The following NMT1 variants were observed in gnomAD, a reference collection of about 807,000 sequenced individuals.
NMT1 encodes the protein N-myristoyltransferase 1, also known as glycylpeptide N-tetradecanoyltransferase 1.
A neutral mutation model predicts 63.4 loss-of-function variants in NMT1; 12 were observed. The observed-to-expected ratio is 0.19, with a 90% confidence interval of 0.12 to 0.31. The LOEUF (loss-of-function observed/expected upper bound fraction) is 0.31, where lower values mean the gene tolerates loss of function less well. Among genes scored for constraint, NMT1 ranks in the 10% least tolerant of loss-of-function variants. The probability of loss-of-function intolerance (pLI) is 1.00; values close to 1 mark genes in which losing one functional copy is unlikely to be tolerated. For synonymous variants in NMT1, 228 were observed against 234.3 expected (o/e 0.97, Z 0.25); for missense variants, 432 against 634.6 (o/e 0.68, Z 3.43).
chr17:45,093,643 AG>A (rs35099037), intron 3 of NMT1, 41 bp from the exon 4 acceptor site: 4 of 1,545,394 alleles, frequency 2.6e-6, no homozygotes, highest in Middle Eastern at 1.7e-4. Flanking sequence ...TACTGCCCCG[AG>A]GGGGCAAAGG....
At chr17:45,102,566 G>T (rs1488685638) in intron 8 of NMT1, among the ~76,000 whole-genome samples, 1 of 152,266 alleles carries the variant, frequency 6.6e-6, no homozygotes, top group Non-Finnish European at 1.5e-5. Context: ...TCACAGTTCA[G>T]TGAGAAGCCT....
At position 45,105,027 on chromosome 17, in the gene NMT1, C is replaced by T; in HGVS notation, c.1470+31C>T. ...CGACACATAGCCAGAGTCCAGGCTGCCCGGCCCAGGGTGTCCATGTCTCCA... is the reference window on the plus strand; with the variant it reads ...CGACACATAGCCAGAGTCCAGGCTGTCCGGCCCAGGGTGTCCATGTCTCCA... On this transcript the variant is annotated intron_variant, in intron 11 of 11. Coordinates refer to ENST00000258960, the MANE Select transcript of NMT1 (RefSeq NM_021079.5). The surrounding 1 kb of genome is among the most constrained non-coding windows in gnomAD (Gnocchi z 4.2). 1 of 1,613,308 alleles carries T rather than the reference C, an allele frequency of 6.2e-7. No homozygotes were observed. The highest frequency in any genetic ancestry group is 8.5e-7 in the Non-Finnish European group (1 of 1,179,698).
intron 6 of NMT1, 87 bp downstream of exon 6, chr17:45,097,331 C>T (rs1331049503): frequency 4.9e-6 from 5 of 1,028,570 alleles, no homozygotes; most frequent in African/African-American, 1.6e-5. Flanking sequence ...CACAATGTGC[C>T]CCATGAAAGG....
intron 7 of NMT1, 80 bp from the exon 8 acceptor site, chr17:45,099,325 C>G (rs2054146359): frequency 1.0e-6 from 1 of 974,310 alleles, no homozygotes; most frequent in East Asian, 2.4e-5. Flanking sequence ...CACCTGCTGG[C>G]CAGCTGGGGT....
chr17:45,073,716 G>A (rs1466365374), intron 1 of NMT1, among the ~76,000 whole-genome samples: 1 of 152,188 alleles, frequency 6.6e-6, no homozygotes, highest in Non-Finnish European at 1.5e-5. Flanking sequence ...AGGGAACGAA[G>A]CCATAGCCTT....
intron 4 of NMT1, among the ~76,000 whole-genome samples, chr17:45,095,695 C>A (rs1159049112): frequency 2.0e-5 from 3 of 152,140 alleles, no homozygotes; most frequent in African/African-American, 7.2e-5. Context: ...TCGCTTGAAA[C>A]CAGGAGTTGG....
At chr17:45,086,709 T>C (rs971604247) in intron 3 of NMT1, 57 bp downstream of exon 3, 1 of 1,531,728 alleles carries the variant, frequency 6.5e-7, no homozygotes, top group Non-Finnish European at 8.8e-7. Flanking sequence ...GCCTCAGCTG[T>C]GCCTTCATGA....
chr17:45,081,215 G>A (rs2054015427), intron 1 of NMT1, among the ~76,000 whole-genome samples: 2 of 152,210 alleles, frequency 1.3e-5, no homozygotes, highest in African/African-American at 4.8e-5. Flanking sequence ...ACATTTGGGA[G>A]GTGGAGGAAG....
In NMT1 at chr17:45,105,748, GAGC is replaced by G. The variant is rs2054199031; in HGVS notation, c.*112_*114del. On this transcript the variant is annotated 3_prime_UTR_variant, in exon 12 of 12. Coordinates refer to ENST00000258960, the MANE Select transcript of NMT1 (RefSeq NM_021079.5). This position sits in a 1 kb window ranked among gnomAD's most constrained non-coding sequence, Gnocchi z 4.2. ...CACACGTGAGAATCCCTGGCAAAGG[GAGC>G]AGAACTGAACCGGCTTTACCAAACC... 8.8e-7 allele frequency: 1 copy of G among 1,132,564 alleles called. No homozygotes were observed. The highest frequency in any genetic ancestry group is 2.5e-5 in the East Asian group (1 of 40,470). 70.2% of individuals were successfully genotyped at this position (1,132,564 alleles called of 1,614,324 possible).
At chr17:45,082,526 G>A (rs1161864967) in intron 2 of NMT1, among the ~76,000 whole-genome samples, 4 of 152,186 alleles carry the variant, frequency 2.6e-5, no homozygotes, top group African/African-American at 9.7e-5. Flanking sequence ...TACTCCATGA[G>A]AACCACTGGC....
chr17:45,079,590 G>A (rs1225464404), intron 1 of NMT1, among the ~76,000 whole-genome samples: 1 of 152,216 alleles, frequency 6.6e-6, no homozygotes, highest in African/African-American at 2.4e-5. Context: ...GAAACTTTTT[G>A]CTTCATTCAT....
chr17:45,103,051 T>A lies in NMT1; in HGVS notation c.1094T>A (p.Val365Asp), dbSNP rs1192890144. ...TTGAAGCAATTTCACCTTACGCCCGTCATGAGCCAGGAGGAGGTGGAGCAC... is the reference window on the plus strand; with the variant it reads ...TTGAAGCAATTTCACCTTACGCCCGACATGAGCCAGGAGGAGGTGGAGCAC... Reference protein sequence around the residue: ...RYLKQFHLTPVMSQEEVEHWF... With the variant: ...RYLKQFHLTPDMSQEEVEHWF... Residue 365 changes from valine (V) to aspartate (D), a missense_variant, in exon 9 of 12, where the codon GTC (valine) becomes GAC (aspartate). Val to Asp is a radical substitution (Grantham distance 152). Around this residue, in one of 4 missense-constraint regions of NMT1, gnomAD observed 295 missense variants for 489.7 expected, o/e 0.60. Coordinates refer to ENST00000258960, the MANE Select transcript of NMT1 (RefSeq NM_021079.5). This position sits in a 1 kb window ranked among gnomAD's most constrained non-coding sequence, Gnocchi z 4.8. The A allele has an allele frequency of 6.2e-7, 1 of 1,613,992 alleles. No homozygotes were observed. Among genetic ancestry groups the A allele is most frequent in the Admixed American group, 1.7e-5 (1 of 60,010 alleles).
Position 45,105,140 on chromosome 17 carries a change from C to A in NMT1, c.1470+144C>A. 9.4e-7 allele frequency: 1 copy of A among 1,058,386 alleles called. No individual in the cohort carries two copies. Among genetic ancestry groups the A allele is most frequent in the Non-Finnish European group, 1.4e-6 (1 of 735,580 alleles). 65.6% of individuals were successfully genotyped at this position (1,058,386 alleles called of 1,614,324 possible). A position where few individuals can be genotyped will look rare whatever the true frequency, so the allele number is the denominator to read the frequency against. ...AACCTTTGAAAATGCCCTCCCTCTG[C>A]TGGCCAGACCAGCAGGTCAGCGTTC... On this transcript the variant is annotated intron_variant, in intron 11 of 11. Transcript: ENST00000258960. This position sits in a 1 kb window ranked among gnomAD's most constrained non-coding sequence, Gnocchi z 4.2.
intron 3 of NMT1, among the ~76,000 whole-genome samples, chr17:45,087,774 G>C (rs59710160): frequency 0.067 from 10,129 of 152,214 alleles, 364 homozygotes; most frequent in Middle Eastern, 0.095. Flanking sequence ...TAGTATGTTC[G>C]GTGCAGAGGA....
chr17:45,067,258 G>T (rs1598000884), intron 1 of NMT1, among the ~76,000 whole-genome samples: 1 of 151,748 alleles, frequency 6.6e-6, no homozygotes, highest in African/African-American at 2.4e-5. Context: ...GGGGTAATAA[G>T]TGAAGATTGT....
Position 45,108,405 on chromosome 17 carries a change from C to CT in NMT1, c.*2769dup, listed in dbSNP as rs1156685668. On this transcript the variant is annotated 3_prime_UTR_variant, in exon 12 of 12. Coordinates refer to ENST00000258960, the MANE Select transcript of NMT1 (RefSeq NM_021079.5). ...TTGAAGGCCAGCCCACACCCAGCTA[C>CT]TTTAACACCAGGTTTATGGAAAATG... The CT allele has an allele frequency of 6.6e-6, 1 of 152,480 alleles. No homozygotes were observed. Among genetic ancestry groups the CT allele is most frequent in the Non-Finnish European group, 1.5e-5 (1 of 68,072 alleles). The allele number at this position is 152,480 out of a possible 1,614,324, so 9.4% of individuals were successfully genotyped here.
intron 1 of NMT1, among the ~76,000 whole-genome samples, chr17:45,078,063 TG>T (rs1370401586): frequency 6.6e-6 from 1 of 152,196 alleles, no homozygotes; most frequent in African/African-American, 2.4e-5. Context: ...CAGACTTAAC[TG>T]GATCTCTCCC....
rs1450725662 is a variant in NMT1, at chr17:45,104,605, G to T, written c.1333-254G>T. 7.8e-7 allele frequency: 1 copy of T among 1,281,740 alleles called. No homozygotes were observed. The highest frequency in any genetic ancestry group is 9.9e-7 in the Non-Finnish European group (1 of 1,010,308). 79.4% of individuals were successfully genotyped at this position (1,281,740 alleles called of 1,614,324 possible). On this transcript the variant is annotated intron_variant, in intron 10 of 11. Coordinates refer to ENST00000258960, the MANE Select transcript of NMT1 (RefSeq NM_021079.5). The surrounding 1 kb of genome is among the most constrained non-coding windows in gnomAD (Gnocchi z 4.2). ...GGAGGCATAACCAGGAATAGCAAGA[G>T]CCCCGGCCTGGACACTGAGTACATA... is the stretch of plus-strand genomic sequence containing the variant.
intron 3 of NMT1, among the ~76,000 whole-genome samples, chr17:45,087,030 A>C (rs1027696340): frequency 9.2e-5 from 14 of 151,648 alleles, no homozygotes; most frequent in African/African-American, 3.4e-4. Context: ...GCATAGTGAC[A>C]TGCACCTGTA....
Sources: gnomAD v4.1 joint callset for allele counts (sites outside exome capture counted in the v4.1 genomes callset) on GRCh38, gnomAD v4.1.1 for gene constraint, gnomAD v4.1.1 regional missense constraint, Gnocchi (gnomAD v3.1) non-coding constraint, MANE v1.5 for transcripts, NCBI Gene and HGNC (gene_info 2026-07-23, HGNC 2026-07-21) for gene names.